CDH13: variants seen among roughly 807,000 people sequenced by gnomAD.
The protein encoded by CDH13 is cadherin 13.
In CDH13, 24 loss-of-function variants were observed where a neutral mutation model predicts 63.8. That is an observed-to-expected ratio of 0.38 (90% CI 0.27 to 0.53). The LOEUF (loss-of-function observed/expected upper bound fraction) is 0.53. Among genes scored for constraint, CDH13 ranks in the 20% least tolerant of loss-of-function variants. CDH13 has a pLI of 0.85. For synonymous variants in CDH13, 503 were observed against 355.3 expected, an observed-to-expected ratio of 1.42 and a Z score of -4.67; for missense variants, 1,049 against 903.1, an observed-to-expected ratio of 1.16 and a Z score of -2.07.
At chr16:82,808,241 G>A (rs552660142) in intron 1 of CDH13, among the ~76,000 whole-genome samples, 10 of 152,234 alleles carry the variant, frequency 6.6e-5, no homozygotes, top group African/African-American at 1.2e-4. Context: ...ATCATTGCAC[G>A]CATGAAATGA....
chr16:83,507,732 T>C (rs552953835), intron 7 of CDH13, among the ~76,000 whole-genome samples: 1 of 152,102 alleles, frequency 6.6e-6, no homozygotes. Context: ...AAAAATGTTT[T>C]GCTTAGTAAA....
At chr16:83,014,367 C>G (rs1914473173) in intron 2 of CDH13, among the ~76,000 whole-genome samples, 1 of 141,332 alleles carries the variant, frequency 7.1e-6, no homozygotes, top group Middle Eastern at 3.7e-3. Context: ...TAAATTTTAA[C>G]TGACGTTTCA....
chr16:83,448,519 C>T (rs1396392167), intron 6 of CDH13, among the ~76,000 whole-genome samples: 1 of 152,162 alleles, frequency 6.6e-6, no homozygotes, highest in Non-Finnish European at 1.5e-5. Context: ...GTAAAAGCAG[C>T]ACTATGATAG....
intron 6 of CDH13, among the ~76,000 whole-genome samples, chr16:83,393,899 T>C (rs1037494858): frequency 6.6e-6 from 1 of 151,918 alleles, no homozygotes; most frequent in Non-Finnish European, 1.5e-5. Context: ...AAGAGGAACA[T>C]AGAATACTAT....
chr16:83,523,652 A>T (rs1349033986), intron 7 of CDH13, among the ~76,000 whole-genome samples: 2 of 152,170 alleles, frequency 1.3e-5, no homozygotes, highest in African/African-American at 4.8e-5. Context: ...CCTTGATGTC[A>T]GTTCCCTGGC....
chr16:82,771,520 G>A (rs2035264198), intron 1 of CDH13, among the ~76,000 whole-genome samples: 1 of 152,160 alleles, frequency 6.6e-6, no homozygotes, highest in Non-Finnish European at 1.5e-5. Context: ...TGCACTCAAC[G>A]ACTCTTCCTC....
intron 7 of CDH13, among the ~76,000 whole-genome samples, chr16:83,501,802 C>T (rs1352958591): frequency 6.6e-6 from 1 of 152,228 alleles, no homozygotes; most frequent in Non-Finnish European, 1.5e-5. Context: ...TGACAGATGT[C>T]TCAAGGACAA....
rs1909871279 is a variant in CDH13 at position 82,644,694 on chromosome 16, C to T, written c.45+17557C>T. Among the ~76,000 whole-genome samples the T allele has an allele frequency of 6.6e-6, 1 of 152,126 alleles. No homozygotes were observed. The highest frequency in any genetic ancestry group is 2.1e-4 in the South Asian group (1 of 4,822). On this transcript the variant is annotated intron_variant, in intron 1 of 13. Transcript: ENST00000567109. The surrounding 1 kb of genome is among the most constrained non-coding windows in gnomAD (Gnocchi z 5.7). ...GGACTTGAACTGGCTCTGGCTGGGA[C>T]CCAGGCTCCCAGGTAGCCAGCTCCC...
chr16:83,118,738 C>G (rs1178471065), intron 3 of CDH13, among the ~76,000 whole-genome samples: 1 of 152,080 alleles, frequency 6.6e-6, no homozygotes, highest in Non-Finnish European at 1.5e-5. Context: ...CATTATCCTC[C>G]TTTACAGATG....
rs1355440728 is a variant in CDH13, at chr16:83,796,572, A to C, written c.*1542A>C. 6.6e-6 allele frequency: 1 copy of C among 152,224 alleles called. No individual in the cohort carries two copies. Among genetic ancestry groups the C allele is most frequent in the Non-Finnish European group, 1.5e-5 (1 of 68,044 alleles). The allele number at this position is 152,224 out of a possible 1,614,324, so 9.4% of individuals were successfully genotyped here. A position where few individuals can be genotyped will look rare whatever the true frequency, so the allele number is the denominator to read the frequency against. ...ATGCAGAGATTTTTTTTTCCATTAAAATAAATGGGTATTGGTGGTTAAAAC... is the reference window on the plus strand; with the variant it reads ...ATGCAGAGATTTTTTTTTCCATTAACATAAATGGGTATTGGTGGTTAAAAC... On this transcript the variant is annotated 3_prime_UTR_variant, in exon 14 of 14. Transcript: ENST00000567109.
chr16:82,770,258 G>A (rs2035211653), intron 1 of CDH13, among the ~76,000 whole-genome samples: 1 of 152,362 alleles, frequency 6.6e-6, no homozygotes. Flanking sequence ...TTGTGTGAGT[G>A]TGTGTTTTTG....
rs1213463053 is a variant in CDH13 at position 83,734,836 on chromosome 16, G to C, written c.1539-13272G>C. ...TCCTTTAGGCAATCCTGATGGATGA[G>C]GGGTCTGGCTCCTCATTATCCAGAG... is the stretch of plus-strand genomic sequence containing the variant. On this transcript the variant is annotated intron_variant, in intron 10 of 13. Transcript: ENST00000567109. 2.0e-5 allele frequency among the ~76,000 whole-genome samples: 3 copies of C among 151,888 alleles called. No individual in the cohort carries two copies. In the East Asian group the frequency reaches 5.8e-4, roughly 29 times the overall value.
chr16:83,177,668 G>C (rs1022131845), intron 4 of CDH13, among the ~76,000 whole-genome samples: 1 of 152,158 alleles, frequency 6.6e-6, no homozygotes. Flanking sequence ...CCTCCACATA[G>C]GGATAAGCCT....
intron 1 of CDH13, among the ~76,000 whole-genome samples, chr16:82,660,697 A>G (rs1256924285): frequency 6.6e-6 from 1 of 152,208 alleles, no homozygotes; most frequent in Non-Finnish European, 1.5e-5. Flanking sequence ...TAAATTATGT[A>G]TATACATGAA....
intron 4 of CDH13, chr16:83,180,968 C>T (rs771223284): frequency 2.0e-6 from 3 of 1,531,814 alleles, no homozygotes; most frequent in Non-Finnish European, 1.7e-6. Flanking sequence ...AATGAACATC[C>T]TATTTGGCGA....
intron 5 of CDH13, among the ~76,000 whole-genome samples, chr16:83,235,504 A>G (rs750172954): frequency 1.3e-5 from 2 of 151,490 alleles, no homozygotes; most frequent in African/African-American, 2.4e-5. Context: ...TCCTACCCCG[A>G]CCCAAAATCT....
chr16:83,733,310 C>T (rs1349228291), intron 10 of CDH13, among the ~76,000 whole-genome samples: 2 of 152,228 alleles, frequency 1.3e-5, no homozygotes, highest in East Asian at 3.9e-4. Flanking sequence ...TGGACTCGTG[C>T]TCCTGGGTGA....
chr16:82,768,947 G>A (rs565845466), intron 1 of CDH13, among the ~76,000 whole-genome samples: 1 of 152,210 alleles, frequency 6.6e-6, no homozygotes, highest in Non-Finnish European at 1.5e-5. Flanking sequence ...TGAGGGCTGG[G>A]CACAAATGTT....
chr16:83,413,356 G>A (rs1456762978), intron 6 of CDH13, among the ~76,000 whole-genome samples: 1 of 152,162 alleles, frequency 6.6e-6, no homozygotes. Context: ...GCCTCAGGCT[G>A]TAATAAAAAC....
Sources: allele counts gnomAD v4.1 joint callset (sites outside exome capture counted in the v4.1 genomes callset), GRCh38; gene constraint gnomAD v4.1.1; non-coding constraint Gnocchi (gnomAD v3.1); transcripts MANE v1.5; gene names NCBI Gene and HGNC (gene_info 2026-07-23, HGNC 2026-07-21).